The following FRMD5 variants were observed in gnomAD, a reference collection of about 807,000 sequenced individuals.
FRMD5 encodes FERM domain containing 5.
FRMD5 carries 20 observed loss-of-function variants against 69.0 expected under a neutral mutation model. The observed-to-expected ratio is 0.29, with a 90% CI of 0.20 to 0.42. The LOEUF (loss-of-function observed/expected upper bound fraction) is 0.42. FRMD5 is among the 10% of genes least tolerant of loss of function. The pLI is 1.00. For missense variants in FRMD5, 595 were observed against 708.6 expected (o/e 0.84, Z 1.82); for synonymous variants, 271 against 260.1 (o/e 1.04, Z -0.40).
At chr15:44,165,113 C>T (rs1399477069) in intron 1 of FRMD5, among the ~76,000 whole-genome samples, 1 of 152,174 alleles carries the variant, frequency 6.6e-6, no homozygotes, top group African/African-American at 2.4e-5. Flanking sequence ...ATAAAGTCCC[C>T]TTCTGTTAAA....
chr15:44,087,015 T>C (rs1348464490), intron 1 of FRMD5, among the ~76,000 whole-genome samples: 1 of 151,932 alleles, frequency 6.6e-6, no homozygotes, highest in African/African-American at 2.4e-5. Context: ...GATAAAGAGG[T>C]AGTCTCTGCC....
At chr15:43,995,796 T>C (rs890105154) in intron 1 of FRMD5, among the ~76,000 whole-genome samples, 2 of 151,940 alleles carry the variant, frequency 1.3e-5, no homozygotes, top group African/African-American at 4.8e-5. Context: ...GGCTAGGTTT[T>C]TGAGGGCTAA....
intron 1 of FRMD5, 80 bp downstream of exon 1, chr15:44,194,873 G>A (rs1387194846): frequency 8.1e-7 from 1 of 1,232,902 alleles, no homozygotes; most frequent in Admixed American, 2.0e-5. Flanking sequence ...ACCCCTGGGC[G>A]GCGGCCGCCG....
intron 1 of FRMD5, among the ~76,000 whole-genome samples, chr15:44,123,036 G>A (rs569569311): frequency 1.3e-5 from 2 of 152,250 alleles, no homozygotes; most frequent in South Asian, 4.2e-4. Context: ...CTATCATAAT[G>A]TGAACATTAA....
intron 1 of FRMD5, among the ~76,000 whole-genome samples, chr15:44,126,037 C>CA (rs1273506658): frequency 2.6e-5 from 4 of 152,118 alleles, no homozygotes; most frequent in Admixed American, 6.5e-5. Context: ...CAGATAGTAT[C>CA]AAAAAAACCA....
chr15:44,099,982 C>CT (rs1272221053), intron 1 of FRMD5, among the ~76,000 whole-genome samples: 1 of 151,768 alleles, frequency 6.6e-6, no homozygotes, highest in Non-Finnish European at 1.5e-5. Context: ...CCCCTACACT[C>CT]TGAGTCTAGC....
At chr15:44,036,990 A>G (rs924279459) in intron 1 of FRMD5, among the ~76,000 whole-genome samples, 1 of 151,312 alleles carries the variant, frequency 6.6e-6, no homozygotes, top group African/African-American at 2.4e-5. Context: ...TTACAACTAC[A>G]GTTTTTTTTT....
At chr15:44,137,873 A>T (rs114106771) in intron 1 of FRMD5, among the ~76,000 whole-genome samples, 1,863 of 152,282 alleles carry the variant, frequency 0.012, 50 homozygotes, top group African/African-American at 0.043. Flanking sequence ...CATTGCTTAA[A>T]GCCAGGAAGT....
At chr15:43,879,791 T>G (rs914071825) in intron 13 of FRMD5, 2 of 397,552 alleles carry the variant, frequency 5.0e-6, no homozygotes, top group African/African-American at 2.1e-5. Flanking sequence ...ACAAAGGATT[T>G]CTGCAGATCC....
chr15:44,003,950 C>T (rs1176608721), intron 1 of FRMD5, among the ~76,000 whole-genome samples: 2 of 152,088 alleles, frequency 1.3e-5, no homozygotes, highest in Non-Finnish European at 2.9e-5. Flanking sequence ...GAATGGTGTC[C>T]AGCAAGCTGT....
At chr15:43,961,142 T>C (rs928625434) in intron 1 of FRMD5, among the ~76,000 whole-genome samples, 2 of 151,786 alleles carry the variant, frequency 1.3e-5, no homozygotes, top group African/African-American at 4.8e-5. Context: ...ATCAACAAAA[T>C]TGATAGACTG....
intron 1 of FRMD5, among the ~76,000 whole-genome samples, chr15:44,185,671 T>C (rs1045995218): frequency 6.6e-6 from 1 of 151,964 alleles, no homozygotes; most frequent in Non-Finnish European, 1.5e-5. Context: ...TGCATGCCTG[T>C]AATCCCAGCT....
chr15:43,991,796 G>A (rs1015779903), intron 1 of FRMD5, among the ~76,000 whole-genome samples: 15 of 152,102 alleles, frequency 9.9e-5, no homozygotes, highest in Admixed American at 2.6e-4. Context: ...CTCCATTTAC[G>A]TATTAGCTCT....
At chr15:44,179,602 A>G (rs2077960350) in intron 1 of FRMD5, among the ~76,000 whole-genome samples, 1 of 152,204 alleles carries the variant, frequency 6.6e-6, no homozygotes, top group East Asian at 1.9e-4. Flanking sequence ...CTTTCTTTAA[A>G]AGGAACATCT....
At chr15:43,894,372 C>G (rs1166468137) in intron 7 of FRMD5, among the ~76,000 whole-genome samples, 1 of 151,918 alleles carries the variant, frequency 6.6e-6, no homozygotes, top group Non-Finnish European at 1.5e-5. Context: ...GAGTGGAGAC[C>G]TTATTGTGTG....
Position 43,872,239 on chromosome 15 carries a change from ATTCCACAGTT to A in FRMD5, c.*1636_*1645del, listed in dbSNP as rs1325483783. On this transcript the variant is annotated 3_prime_UTR_variant, in exon 14 of 14. Coordinates refer to ENST00000417257, the MANE Select transcript of FRMD5 (RefSeq NM_032892.5). ...AAATCTCTCCCTAAGAACCCCAATTATTCCACAGTTGTCATATTGTAAACATGGACATGGT... is the reference window on the plus strand; with the variant it reads ...AAATCTCTCCCTAAGAACCCCAATTAGTCATATTGTAAACATGGACATGGT... The A allele has an allele frequency of 6.6e-6, 1 of 152,100 alleles. No homozygotes were observed. Among genetic ancestry groups the A allele is most frequent in the Admixed American group, 6.5e-5 (1 of 15,274 alleles). The allele number at this position is 152,100 out of a possible 1,614,324, so 9.4% of individuals were successfully genotyped here.
chr15:44,152,867 G>A, intron 1 of FRMD5, among the ~76,000 whole-genome samples: 1 of 102,080 alleles, frequency 9.8e-6, no homozygotes. Context: ...AAACTGTACT[G>A]CAAATATTTT....
At chr15:43,966,453 T>G (rs1258331476) in intron 1 of FRMD5, among the ~76,000 whole-genome samples, 2 of 152,076 alleles carry the variant, frequency 1.3e-5, no homozygotes, top group Non-Finnish European at 2.9e-5. Context: ...GATAATTAAC[T>G]GCTTAAAACA....
intron 1 of FRMD5, among the ~76,000 whole-genome samples, chr15:43,999,928 T>TATATATATATGCTATGC (rs1890109605): frequency 1.1e-4 from 5 of 44,976 alleles, no homozygotes; most frequent in Non-Finnish European, 2.4e-4. Context: ...TGTATGTATA[T>TATATATATATGCTATGC]ATATATATAT....
Sources: allele counts gnomAD v4.1 joint callset (sites outside exome capture counted in the v4.1 genomes callset), GRCh38; gene constraint gnomAD v4.1.1; transcripts MANE v1.5; gene names NCBI Gene and HGNC (gene_info 2026-07-23, HGNC 2026-07-21).